The following ARHGAP24 variants were observed in gnomAD, a reference collection of about 807,000 sequenced individuals.
The protein encoded by ARHGAP24 is Rho GTPase activating protein 24.
In ARHGAP24, 50 loss-of-function variants were observed where a neutral mutation model predicts 76.4. The observed-to-expected ratio is 0.65, with a 90% CI of 0.52 to 0.83. The LOEUF is 0.83. Ranked by LOEUF, ARHGAP24 falls within the 40% of genes least tolerant of loss-of-function variation. The probability of loss-of-function intolerance (pLI) is 0.00; values close to 1 mark genes in which losing one functional copy is unlikely to be tolerated. For missense variants in ARHGAP24, 930 were observed against 914.2 expected, an observed-to-expected ratio of 1.02 and a Z score of -0.22; for synonymous variants, 345 against 323.3, an observed-to-expected ratio of 1.07 and a Z score of -0.72.
chr4:85,985,006 G>C (rs1442944985), intron 8 of ARHGAP24, among the ~76,000 whole-genome samples: 1 of 152,032 alleles, frequency 6.6e-6, no homozygotes, highest in Non-Finnish European at 1.5e-5. Context: ...ATTTTTAGTA[G>C]AGATGGGGTT....
chr4:85,733,465 G>C (rs778236977), intron 3 of ARHGAP24, among the ~76,000 whole-genome samples: 9 of 152,112 alleles, frequency 5.9e-5, no homozygotes, highest in Non-Finnish European at 1.3e-4. Flanking sequence ...CTATGAACTT[G>C]TGCTTGATTA....
At chr4:85,990,816 T>C (rs1740276670) in intron 8 of ARHGAP24, 2 of 151,942 alleles carry the variant, frequency 1.3e-5, no homozygotes, top group Non-Finnish European at 2.9e-5. Context: ...AAGTATAAGA[T>C]ATATAGAAGA....
chr4:85,688,659 T>C (rs1300302056), intron 2 of ARHGAP24, among the ~76,000 whole-genome samples: 1 of 152,222 alleles, frequency 6.6e-6, no homozygotes, highest in Non-Finnish European at 1.5e-5. Flanking sequence ...CTAAGGCCAA[T>C]GTCAAGAAGA....
At chr4:85,553,854 T>C (rs1726245880) in intron 1 of ARHGAP24, among the ~76,000 whole-genome samples, 1 of 152,194 alleles carries the variant, frequency 6.6e-6, no homozygotes, top group South Asian at 2.1e-4. Flanking sequence ...GATCCTGTCA[T>C]GGTGTTGGTA....
chr4:85,839,839 T>TTTTC, intron 3 of ARHGAP24, among the ~76,000 whole-genome samples: 5 of 64,120 alleles, frequency 7.8e-5, no homozygotes, highest in Non-Finnish European at 1.7e-4. Context: ...CTTTTTTCTG[T>TTTTC]TTTCTTTTTT....
chr4:85,487,897 T>TA (rs201042755), intron 1 of ARHGAP24, among the ~76,000 whole-genome samples: 2,723 of 129,652 alleles, frequency 0.021, 116 homozygotes, highest in African/African-American at 0.076. Context: ...AATAAATATA[T>TA]TTTATATATA....
intron 3 of ARHGAP24, among the ~76,000 whole-genome samples, chr4:85,790,848 A>G (rs1048727524): frequency 6.6e-6 from 1 of 152,204 alleles, no homozygotes; most frequent in Non-Finnish European, 1.5e-5. Flanking sequence ...GGAATATTGA[A>G]TAAGCATTCT....
chr4:85,905,116 T>TA (rs1734701362), intron 3 of ARHGAP24, among the ~76,000 whole-genome samples: 1 of 152,172 alleles, frequency 6.6e-6, no homozygotes, highest in African/African-American at 2.4e-5. Context: ...CAAAAAACAT[T>TA]AGAGCAGTCT....
At chr4:85,556,894 G>GGC (rs1726398674) in intron 1 of ARHGAP24, among the ~76,000 whole-genome samples, 2 of 151,910 alleles carry the variant, frequency 1.3e-5, no homozygotes, top group South Asian at 4.2e-4. Flanking sequence ...TGAGAGCCCA[G>GGC]GAGGGGGTCA....
intron 3 of ARHGAP24, among the ~76,000 whole-genome samples, chr4:85,816,152 G>T (rs573659087): frequency 6.6e-6 from 1 of 152,104 alleles, no homozygotes; most frequent in African/African-American, 2.4e-5. Flanking sequence ...ACACAGAGCC[G>T]AACCATATCA....
intron 3 of ARHGAP24, among the ~76,000 whole-genome samples, chr4:85,778,026 G>A (rs1386744679): frequency 6.6e-6 from 1 of 152,126 alleles, no homozygotes; most frequent in Non-Finnish European, 1.5e-5. Flanking sequence ...TGTGATAATA[G>A]CAAATGTGTG....
intron 3 of ARHGAP24, among the ~76,000 whole-genome samples, chr4:85,833,287 G>A (rs1730089052): frequency 6.6e-6 from 1 of 152,182 alleles, no homozygotes; most frequent in Non-Finnish European, 1.5e-5. Flanking sequence ...GGAATAGACT[G>A]AACTGATTCA....
At chr4:85,586,250 T>A (rs1727855139) in intron 2 of ARHGAP24, among the ~76,000 whole-genome samples, 2 of 152,188 alleles carry the variant, frequency 1.3e-5, no homozygotes, top group Non-Finnish European at 2.9e-5. Flanking sequence ...ATAGAGTAAG[T>A]AAGATTCTGT....
intron 3 of ARHGAP24, among the ~76,000 whole-genome samples, chr4:85,823,066 A>G (rs771612895): frequency 6.6e-6 from 1 of 152,200 alleles, no homozygotes; most frequent in Non-Finnish European, 1.5e-5. Flanking sequence ...TCTCTTTATT[A>G]TGAACTAGAG....
chr4:85,721,793 A>AT, intron 2 of ARHGAP24, 92 bp from the exon 3 acceptor site: 2 of 1,114,232 alleles, frequency 1.8e-6, no homozygotes, highest in Non-Finnish European at 2.7e-6. Context: ...ATACTGGGTT[A>AT]TAGCTACACC....
intron 3 of ARHGAP24, among the ~76,000 whole-genome samples, chr4:85,836,759 A>G (rs1730313197): frequency 6.6e-6 from 1 of 152,216 alleles, no homozygotes; most frequent in Admixed American, 6.5e-5. Context: ...CCTCAGTATT[A>G]TATTACCTCC....
At chr4:85,978,453 A>G (rs1739462494) in intron 8 of ARHGAP24, among the ~76,000 whole-genome samples, 1 of 152,192 alleles carries the variant, frequency 6.6e-6, no homozygotes, top group Non-Finnish European at 1.5e-5. Flanking sequence ...CGTGTGAGAA[A>G]AAAAGCTTTT....
chr4:85,841,716 T>C (rs1730603163), intron 3 of ARHGAP24, among the ~76,000 whole-genome samples: 1 of 152,210 alleles, frequency 6.6e-6, no homozygotes, highest in Admixed American at 6.5e-5. Context: ...GTTTCCAGCC[T>C]CATTCAAGTA....
intron 2 of ARHGAP24, among the ~76,000 whole-genome samples, chr4:85,716,555 A>G (rs1724740605): frequency 2.0e-5 from 3 of 152,270 alleles, no homozygotes; most frequent in African/African-American, 7.2e-5. Context: ...CTCTCTGATC[A>G]TCCAAAGTTT....
Sources: allele counts gnomAD v4.1 joint callset (sites outside exome capture counted in the v4.1 genomes callset), GRCh38; gene constraint gnomAD v4.1.1; transcripts MANE v1.5; gene names NCBI Gene and HGNC (gene_info 2026-07-23, HGNC 2026-07-21).